ITGA8: variants seen among roughly 807,000 people sequenced by gnomAD.
ITGA8 encodes integrin alpha-8.
In ITGA8, 91 loss-of-function variants were observed where a neutral mutation model predicts 142.3. The observed-to-expected ratio is 0.64, with a 90% CI of 0.54 to 0.76. ITGA8 has a LOEUF of 0.76. Among genes scored for constraint, ITGA8 ranks in the 30% least tolerant of loss-of-function variants. The pLI, the probability that ITGA8 is intolerant of heterozygous loss-of-function variation, is 0.00. For missense variants in ITGA8, 1,406 were observed against 1,327.7 expected (o/e 1.06, Z -0.92); for synonymous variants, 505 against 485.2 (o/e 1.04, Z -0.54).
At chr10:15,539,400 A>C (rs911276600) in intron 27 of ITGA8, among the ~76,000 whole-genome samples, 6 of 152,180 alleles carry the variant, frequency 3.9e-5, no homozygotes, top group African/African-American at 1.4e-4. Context: ...AAGTCTAGAT[A>C]AATTATGTCA....
At chr10:15,714,309 G>C (rs1835412957) in intron 2 of ITGA8, among the ~76,000 whole-genome samples, 1 of 152,158 alleles carries the variant, frequency 6.6e-6, no homozygotes, top group African/African-American at 2.4e-5. Flanking sequence ...AGAAGAAAGG[G>C]AACCTTGAAG....
chr10:15,560,538 T>C (rs1294003950), intron 25 of ITGA8, among the ~76,000 whole-genome samples: 1 of 152,164 alleles, frequency 6.6e-6, no homozygotes, highest in Non-Finnish European at 1.5e-5. Flanking sequence ...CTATTTATAA[T>C]AGAGAAGAAA....
intron 8 of ITGA8, among the ~76,000 whole-genome samples, chr10:15,669,916 C>T (rs571245106): frequency 3.4e-4 from 52 of 152,228 alleles, no homozygotes; most frequent in East Asian, 9.7e-4. Context: ...GGTGTCAGTC[C>T]GCCGCTACTG....
intron 2 of ITGA8, among the ~76,000 whole-genome samples, chr10:15,705,847 G>A (rs943769916): frequency 2.1e-4 from 32 of 152,052 alleles, no homozygotes; most frequent in Non-Finnish European, 8.8e-5. Flanking sequence ...CTAACTGGTG[G>A]CTCCTTCCTT....
At chr10:15,672,792 A>T in intron 6 of ITGA8, 43 bp from the exon 7 acceptor site, 1 of 1,531,606 alleles carries the variant, frequency 6.5e-7, no homozygotes, top group Non-Finnish European at 8.8e-7. Context: ...TGAAAGCAAG[A>T]GGCAGGCCCT....
intron 20 of ITGA8, among the ~76,000 whole-genome samples, chr10:15,599,803 C>A (rs926265826): frequency 5.9e-5 from 9 of 152,156 alleles, no homozygotes; most frequent in African/African-American, 2.2e-4. Flanking sequence ...CGCCTGTAAT[C>A]CCAGCTACTA....
chr10:15,656,866 G>A (rs575039559), intron 10 of ITGA8, among the ~76,000 whole-genome samples: 7 of 152,088 alleles, frequency 4.6e-5, no homozygotes, highest in East Asian at 1.9e-4. Context: ...GAAAGCACAC[G>A]CCCCAGGAGG....
chr10:15,718,999 G>T (rs1658689267), intron 1 of ITGA8, 100 bp from the exon 2 acceptor site: 2 of 1,547,352 alleles, frequency 1.3e-6, no homozygotes, highest in African/African-American at 1.4e-5. Context: ...TGGGGCAGGC[G>T]TGGAGGGCAT....
rs35672275 is a variant in ITGA8 at position 15,604,578 on chromosome 10, CA to C, written c.1971-224del. ...TGGTAAATGTTTAACAACCAGTTCT[CA>C]AAAAAAAAAAAAAAAAAAAAAGGAT... On this transcript the variant is annotated intron_variant, in intron 19 of 29. Transcript: ENST00000378076. 0.066 allele frequency among the ~76,000 whole-genome samples: 5,725 copies of C among 86,342 alleles called. 190 individuals carry two copies. Among genetic ancestry groups the C allele is most frequent in the African/African-American group, 0.21 (4,863 of 22,906 alleles). 56.6% of individuals were successfully genotyped at this position (86,342 alleles called of 152,430 possible). A position where few individuals can be genotyped will look rare whatever the true frequency, so the allele number is the denominator to read the frequency against.
intron 27 of ITGA8, among the ~76,000 whole-genome samples, chr10:15,546,673 G>C (rs1412255975): frequency 6.7e-6 from 1 of 148,536 alleles, no homozygotes; most frequent in East Asian, 1.9e-4. Context: ...CTCTGCCTTA[G>C]GAGAAAGGAA....
At chr10:15,580,532 C>A (rs1205032717) in intron 23 of ITGA8, among the ~76,000 whole-genome samples, 1 of 152,012 alleles carries the variant, frequency 6.6e-6, no homozygotes, top group Non-Finnish European at 1.5e-5. Context: ...AAGTCACTAA[C>A]AAAATTTTAG....
intron 6 of ITGA8, among the ~76,000 whole-genome samples, chr10:15,676,787 T>A (rs1834638586): frequency 6.6e-6 from 1 of 152,098 alleles, no homozygotes; most frequent in Non-Finnish European, 1.5e-5. Context: ...GGCGGGTGGA[T>A]CACCAGAGGT....
chr10:15,525,455 C>T (rs892214868), intron 28 of ITGA8, among the ~76,000 whole-genome samples: 2 of 151,704 alleles, frequency 1.3e-5, no homozygotes, highest in Non-Finnish European at 2.9e-5. Context: ...CCAGCCTGGC[C>T]AACATGATGA....
At chr10:15,609,670 A>C (rs1473764667) in intron 15 of ITGA8, among the ~76,000 whole-genome samples, 1 of 152,244 alleles carries the variant, frequency 6.6e-6, no homozygotes, top group Admixed American at 6.5e-5. Flanking sequence ...ATTTTGTAGT[A>C]AGCCTGGCTT....
intron 2 of ITGA8, among the ~76,000 whole-genome samples, chr10:15,711,669 C>A (rs1457458479): frequency 2.0e-5 from 3 of 151,984 alleles, no homozygotes; most frequent in African/African-American, 7.3e-5. Flanking sequence ...AAAAGATTCC[C>A]TGCTATTACA....
chr10:15,640,826 G>C (rs917364164), intron 13 of ITGA8, among the ~76,000 whole-genome samples: 1 of 152,164 alleles, frequency 6.6e-6, no homozygotes, highest in Non-Finnish European at 1.5e-5. Context: ...GGACGAAGAG[G>C]GCCCAGGACA....
At chr10:15,522,446 G>A (rs1302810101) in intron 28 of ITGA8, among the ~76,000 whole-genome samples, 1 of 152,166 alleles carries the variant, frequency 6.6e-6, no homozygotes, top group African/African-American at 2.4e-5. Context: ...ACACAGTTTT[G>A]ATAATGAGAA....
At position 15,653,365 on chromosome 10, in the gene ITGA8, T is replaced by C. The variant is rs193169229; in HGVS notation, c.1001+1989A>G. 4.6e-5 allele frequency among the ~76,000 whole-genome samples: 7 copies of C among 152,310 alleles called. No individual in the cohort carries two copies. In the East Asian group the frequency reaches 1.2e-3, roughly 25 times the overall value. ...ATAGACTTTTTTTTTAGAGCAGTTTTAGATTGTTTAGATTCAAAGCAAATT... is the reference window on the plus strand; with the variant it reads ...ATAGACTTTTTTTTTAGAGCAGTTTCAGATTGTTTAGATTCAAAGCAAATT... On this transcript the variant is annotated intron_variant, in intron 11 of 29. Transcript: ENST00000378076.
chr10:15,570,204 C>CTT (rs969741420), intron 25 of ITGA8, among the ~76,000 whole-genome samples: 2 of 152,144 alleles, frequency 1.3e-5, no homozygotes, highest in African/African-American at 4.8e-5. Context: ...GTATTTAAAT[C>CTT]TTATATTCAA....
Sources: gnomAD v4.1 joint callset for allele counts (sites outside exome capture counted in the v4.1 genomes callset) on GRCh38, gnomAD v4.1.1 for gene constraint, MANE v1.5 for transcripts, NCBI Gene and HGNC (gene_info 2026-07-23, HGNC 2026-07-21) for gene names.